RASEF: variants seen among roughly 807,000 people sequenced by gnomAD.
The protein encoded by RASEF is RAS and EF-hand domain containing.
Under a neutral mutation model 90.1 loss-of-function variants are expected in RASEF, and 68 were observed. That is an observed-to-expected ratio of 0.75 (90% confidence interval 0.62 to 0.92). RASEF has a LOEUF of 0.92. RASEF is among the 40% of genes least tolerant of loss of function. The pLI is 0.00. For synonymous variants in RASEF, 331 were observed against 345.2 expected, an observed-to-expected ratio of 0.96 and a Z score of 0.46; for missense variants, 949 against 937.2, an observed-to-expected ratio of 1.01 and a Z score of -0.16.
intron 16 of RASEF, among the ~76,000 whole-genome samples, chr9:82,986,336 G>C (rs1241447040): frequency 6.6e-6 from 1 of 152,122 alleles, no homozygotes; most frequent in African/African-American, 2.4e-5. Flanking sequence ...GCCTCTATCA[G>C]CTACGTACCA....
the RASEF span, among the ~76,000 whole-genome samples, chr9:83,204,526 AAAGTGC>A: frequency 6.6e-6 from 1 of 152,210 alleles, no homozygotes; most frequent in Non-Finnish European, 1.5e-5. Context: ...TTCCCAGGGA[AAAGTGC>A]TTTTGATAAA....
At chr9:83,099,251 C>T in the RASEF span, among the ~76,000 whole-genome samples, 4 of 152,216 alleles carry the variant, frequency 2.6e-5, no homozygotes, top group African/African-American at 7.2e-5. Context: ...ACTTTTAAAA[C>T]CTTAAACTCC....
chr9:83,207,298 G>T, the RASEF span, among the ~76,000 whole-genome samples: 3 of 152,202 alleles, frequency 2.0e-5, no homozygotes, highest in Non-Finnish European at 4.4e-5. Flanking sequence ...GGGATAAATT[G>T]AAGGCAGGGG....
chr9:83,004,408 T>A, intron 9 of RASEF, 90 bp downstream of exon 9: 1 of 726,702 alleles, frequency 1.4e-6, no homozygotes, highest in South Asian at 1.7e-5. Flanking sequence ...CAAAGTATAT[T>A]CTATTATTTT....
chr9:82,998,759 G>T (rs1828969468), intron 12 of RASEF, among the ~76,000 whole-genome samples: 1 of 152,134 alleles, frequency 6.6e-6, no homozygotes, highest in South Asian at 2.1e-4. Context: ...GTGTGTGGGT[G>T]TGTGTACATG....
the RASEF span, among the ~76,000 whole-genome samples, chr9:83,212,410 A>G: frequency 3.3e-5 from 5 of 152,248 alleles, no homozygotes; most frequent in Non-Finnish European, 7.3e-5. Flanking sequence ...ATTCAAACAC[A>G]AATAAACTGG....
At position 83,060,698 on chromosome 9, in the gene RASEF, G is replaced by A. The variant is rs1372536527; in HGVS notation, c.431+1739C>T. 2.0e-5 allele frequency among the ~76,000 whole-genome samples: 3 copies of A among 152,156 alleles called. No homozygotes were observed. The East Asian group carries it at 5.8e-4, about 29-fold the overall frequency. On this transcript the variant is annotated intron_variant, in intron 1 of 16. Coordinates refer to ENST00000376447, the MANE Select transcript of RASEF (RefSeq NM_152573.4). The stretch of plus-strand genomic sequence containing the variant: ...AATTAATCCAATTTACCAAAACAGC[G>A]GATGGCTGCCATGGTAACAATCTGA...
chr9:83,192,054 A>G, the RASEF span, among the ~76,000 whole-genome samples: 1 of 152,198 alleles, frequency 6.6e-6, no homozygotes, highest in African/African-American at 2.4e-5. Context: ...GTCAAAAAAT[A>G]ACAGATGCTG....
At chr9:83,092,423 G>T in the RASEF span, among the ~76,000 whole-genome samples, 1 of 152,018 alleles carries the variant, frequency 6.6e-6, no homozygotes, top group African/African-American at 2.4e-5. Context: ...CCTTCTGGTG[G>T]GTTCGTGGTC....
chr9:82,991,702 T>C (rs1260431137), intron 15 of RASEF, among the ~76,000 whole-genome samples: 2 of 152,166 alleles, frequency 1.3e-5, no homozygotes, highest in African/African-American at 2.4e-5. Context: ...CAGGATGATA[T>C]GGGGTGAAAC....
At chr9:83,126,770 A>G in the RASEF span, among the ~76,000 whole-genome samples, 6 of 152,360 alleles carry the variant, frequency 3.9e-5, no homozygotes, top group African/African-American at 1.4e-4. Context: ...ATCATGTGCG[A>G]TATATTTTAA....
the RASEF span, among the ~76,000 whole-genome samples, chr9:83,212,592 T>G: frequency 3.3e-5 from 5 of 152,232 alleles, no homozygotes. Context: ...AATGACAGAA[T>G]TTCTCTTTGG....
chr9:83,030,871 TTCTC>T (rs925292845), intron 1 of RASEF, among the ~76,000 whole-genome samples: 1 of 152,080 alleles, frequency 6.6e-6, no homozygotes, highest in Non-Finnish European at 1.5e-5. Context: ...CTTTCTCAAT[TTCTC>T]TCTCTCTCCT....
chr9:83,153,162 A>G, the RASEF span, among the ~76,000 whole-genome samples: 1 of 152,140 alleles, frequency 6.6e-6, no homozygotes, highest in Admixed American at 6.6e-5. Flanking sequence ...AGCTGGTCCC[A>G]TCGATTCTTT....
chr9:83,034,959 A>G lies in RASEF; in HGVS notation c.432-9038T>C, dbSNP rs551300688. On this transcript the variant is annotated intron_variant, in intron 1 of 16. Transcript: ENST00000376447. ...TCCATCCATTATTATTCTTAACTCC[A>G]CTCCCCAACTGGGTTAAAAAGAAGT... is the stretch of plus-strand genomic sequence containing the variant. 2.0e-5 allele frequency among the ~76,000 whole-genome samples: 3 copies of G among 151,602 alleles called. No individual in the cohort carries two copies. The South Asian group carries it at 6.3e-4, about 32-fold the overall frequency.
rs71363083 is a variant in RASEF at position 83,011,550 on chromosome 9, C to CAAAAAAAA, written c.843+876_843+883dup. Among the ~76,000 whole-genome samples, 6 of 28,118 alleles carry CAAAAAAAA rather than the reference C, an allele frequency of 2.1e-4. 1 individual carries two copies. The highest frequency in any genetic ancestry group is 3.1e-4 in the Non-Finnish European group (5 of 16,140). The allele number at this position is 28,118 out of a possible 152,430, so 18.4% of individuals were successfully genotyped here. A position where few individuals can be genotyped will look rare whatever the true frequency, so the allele number is the denominator to read the frequency against. On this transcript the variant is annotated intron_variant, in intron 5 of 16. Coordinates refer to ENST00000376447, the MANE Select transcript of RASEF (RefSeq NM_152573.4). ...CTGGTGACAGAGCAAGACTCCATCT[C>CAAAAAAAA]AAAAAAAAAAAAAAAAAAAAAAAAA...
the RASEF span, among the ~76,000 whole-genome samples, chr9:83,091,707 A>G: frequency 6.6e-6 from 1 of 152,184 alleles, no homozygotes; most frequent in Non-Finnish European, 1.5e-5. Context: ...AACATTCAAC[A>G]AACAATCCCT....
the RASEF span, among the ~76,000 whole-genome samples, chr9:83,107,855 C>T: frequency 5.3e-5 from 8 of 152,074 alleles, no homozygotes; most frequent in East Asian, 1.9e-4. Flanking sequence ...GTTGTTTAAA[C>T]GAGCAGTGTC....
At chr9:83,189,373 C>T in the RASEF span, among the ~76,000 whole-genome samples, 1 of 152,168 alleles carries the variant, frequency 6.6e-6, no homozygotes, top group Non-Finnish European at 1.5e-5. Flanking sequence ...AACCTCTTTC[C>T]TGTATAAATT....
Sources: gnomAD v4.1 joint callset for allele counts (sites outside exome capture counted in the v4.1 genomes callset) on GRCh38, gnomAD v4.1.1 for gene constraint, MANE v1.5 for transcripts, NCBI Gene and HGNC (gene_info 2026-07-23, HGNC 2026-07-21) for gene names.